The following PDE4D variants were observed in gnomAD, a reference collection of about 807,000 sequenced individuals.
PDE4D encodes 3',5'-cyclic-AMP phosphodiesterase 4D.
In PDE4D, 24 loss-of-function variants were observed where a neutral mutation model predicts 87.4. That is an observed-to-expected ratio of 0.27 (90% CI 0.20 to 0.39). PDE4D has a LOEUF of 0.39. Among genes scored for constraint, PDE4D ranks in the 10% least tolerant of loss-of-function variants. The pLI, the probability that PDE4D is intolerant of heterozygous loss-of-function variation, is 1.00. For missense variants in PDE4D, 714 were observed against 1,041.0 expected (o/e 0.69, Z 4.32); for synonymous variants, 384 against 383.2 (o/e 1.00, Z -0.02).
At chr5:59,279,679 G>T (rs956075719) in intron 1 of PDE4D, among the ~76,000 whole-genome samples, 3 of 152,018 alleles carry the variant, frequency 2.0e-5, no homozygotes, top group Non-Finnish European at 2.9e-5. Flanking sequence ...CTCCAAAGTA[G>T]ATGTGATAAT....
chr5:59,990,128 A>T (rs1762860415), intron 2 of PDE4D, among the ~76,000 whole-genome samples: 1 of 152,066 alleles, frequency 6.6e-6, no homozygotes, highest in Non-Finnish European at 1.5e-5. Flanking sequence ...GAACATCCAG[A>T]CCTCATTTAT....
At chr5:59,095,659 G>A (rs971323554) in intron 5 of PDE4D, among the ~76,000 whole-genome samples, 2 of 152,084 alleles carry the variant, frequency 1.3e-5, no homozygotes, top group African/African-American at 2.4e-5. Flanking sequence ...AAGTCTACTC[G>A]AGTTCTAGAA....
intron 2 of PDE4D, among the ~76,000 whole-genome samples, chr5:60,157,748 A>G (rs773626775): frequency 6.6e-6 from 1 of 152,304 alleles, no homozygotes; most frequent in Non-Finnish European, 1.5e-5. Context: ...ATTTCAACTA[A>G]TGGTGGTACG....
At chr5:59,125,866 TAAAGTC>T (rs1025295937) in intron 5 of PDE4D, among the ~76,000 whole-genome samples, 1 of 152,044 alleles carries the variant, frequency 6.6e-6, no homozygotes, top group Non-Finnish European at 1.5e-5. Context: ...TTCACAGTGT[TAAAGTC>T]AAAGTCAGTG....
chr5:59,477,373 A>T (rs1644948), intron 1 of PDE4D, among the ~76,000 whole-genome samples: 58,771 of 142,870 alleles, frequency 0.41, 12,636 homozygotes, highest in African/African-American at 0.52. Flanking sequence ...AAAAAAAAAA[A>T]ATTAAAGAAT....
chr5:59,317,097 C>T (rs1350944512), intron 1 of PDE4D, among the ~76,000 whole-genome samples: 1 of 152,148 alleles, frequency 6.6e-6, no homozygotes, highest in African/African-American at 2.4e-5. Context: ...TGATGACATT[C>T]CTTCTCTGCA....
Position 59,415,607 on chromosome 5 carries a change from G to A in PDE4D, c.456-199639C>T, listed in dbSNP as rs142583476. 2.6e-5 allele frequency among the ~76,000 whole-genome samples: 4 copies of A among 151,146 alleles called. No homozygotes were observed. The East Asian group carries it at 5.8e-4, about 22-fold the overall frequency. ...GGGAAGTGAATCTATATTTCTAATTGTAAATCTTATGAGATCTAAATGTCC... is the reference window on the plus strand; with the variant it reads ...GGGAAGTGAATCTATATTTCTAATTATAAATCTTATGAGATCTAAATGTCC... On this transcript the variant is annotated intron_variant, in intron 1 of 14. Coordinates refer to ENST00000340635, the MANE Select transcript of PDE4D (RefSeq NM_001104631.2).
At chr5:60,174,369 G>A (rs1486457445) in intron 2 of PDE4D, among the ~76,000 whole-genome samples, 1 of 152,046 alleles carries the variant, frequency 6.6e-6, no homozygotes, top group Admixed American at 6.6e-5. Flanking sequence ...ATACATGGAC[G>A]GGAGTGACAG....
intron 1 of PDE4D, among the ~76,000 whole-genome samples, chr5:59,544,741 G>A (rs1415664203): frequency 6.6e-6 from 1 of 152,162 alleles, no homozygotes; most frequent in African/African-American, 2.4e-5. Context: ...GAATTAGCAA[G>A]TGTTTTTACA....
intron 3 of PDE4D, among the ~76,000 whole-genome samples, chr5:59,189,624 G>A (rs1248346830): frequency 6.6e-6 from 1 of 152,066 alleles, no homozygotes; most frequent in Non-Finnish European, 1.5e-5. Context: ...TCAGCATTGT[G>A]CCTCCTTAGT....
At position 60,126,887 on chromosome 5, in the gene PDE4D, G is replaced by A. The variant is rs74349107; in HGVS notation, c.42+58670C>T. Among the ~76,000 whole-genome samples, 1,253 of 152,188 alleles carry A rather than the reference G, an allele frequency of 8.2e-3. 25 individuals carry two copies. The highest frequency in any genetic ancestry group is 0.028 in the African/African-American group (1,163 of 41,508). On this transcript the variant is annotated intron_variant, in intron 2 of 16. Coordinates refer to the PDE4D transcript ENST00000502484. ...TAGACATTATTCAGTGAATAAAAGA[G>A]ACTAACAATTTAATCACATTTACAT...
chr5:60,466,678 T>C (rs980820969), intron 1 of PDE4D, among the ~76,000 whole-genome samples: 5 of 152,212 alleles, frequency 3.3e-5, no homozygotes, highest in African/African-American at 9.6e-5. Flanking sequence ...TCTCCATCAC[T>C]TGGAAGATTT....
At chr5:59,518,152 C>T (rs1185496658) in intron 1 of PDE4D, among the ~76,000 whole-genome samples, 3 of 151,438 alleles carry the variant, frequency 2.0e-5, no homozygotes, top group Non-Finnish European at 4.4e-5. Context: ...ATTAATTTAT[C>T]CTACCAGATT....
chr5:60,074,457 T>C (rs1428837724), intron 2 of PDE4D, among the ~76,000 whole-genome samples: 3 of 152,088 alleles, frequency 2.0e-5, no homozygotes, highest in Non-Finnish European at 4.4e-5. Context: ...TGTGTGCCAT[T>C]TGGTGATGAG....
chr5:59,690,410 T>C (rs1750708941), intron 1 of PDE4D, among the ~76,000 whole-genome samples: 1 of 151,958 alleles, frequency 6.6e-6, no homozygotes, highest in Admixed American at 6.6e-5. Flanking sequence ...TCAGAAATAA[T>C]ACTACACATC....
At position 58,988,553 on chromosome 5, in the gene PDE4D, C is replaced by T; in HGVS notation, c.1492G>A (p.Ala498Thr). Reference protein sequence around the residue: ...TDLEILAAIFASAIHDVDHPG... With the variant: ...TDLEILAAIFTSAIHDVDHPG... ...TGATCTACATCATGTATTGCACTGG[C>T]AAAAATTGCTGCAAGAATCTCCAAA... is the stretch of plus-strand genomic sequence containing the variant. The change falls in exon 11 of 15, where the codon GCC becomes ACC. Residue 498 changes from alanine to threonine, a missense_variant. Coordinates refer to ENST00000340635, the MANE Select transcript of PDE4D (RefSeq NM_001104631.2). The T allele has an allele frequency of 6.7e-7, 1 of 1,503,030 alleles. No homozygotes were observed. The highest frequency in any genetic ancestry group is 8.9e-7 in the Non-Finnish European group (1 of 1,118,260). The allele number at this position is 1,503,030 out of a possible 1,614,324, so 93.1% of individuals were successfully genotyped here.
At chr5:59,786,097 C>G (rs923631359) in intron 1 of PDE4D, among the ~76,000 whole-genome samples, 1 of 152,062 alleles carries the variant, frequency 6.6e-6, no homozygotes. Context: ...CTGGCCTCCC[C>G]TCTCCCCATC....
At position 59,390,650 on chromosome 5, in the gene PDE4D, G is replaced by A. The variant is rs1788048649; in HGVS notation, c.456-174682C>T. ...TAGACATGTAAATGTACAGCAAAGAGAAGACATCGGTTCAGTTAGGTAAAA... is the reference window on the plus strand; with the variant it reads ...TAGACATGTAAATGTACAGCAAAGAAAAGACATCGGTTCAGTTAGGTAAAA... On this transcript the variant is annotated intron_variant, in intron 1 of 14. Coordinates refer to ENST00000340635, the MANE Select transcript of PDE4D (RefSeq NM_001104631.2). 2.6e-5 allele frequency among the ~76,000 whole-genome samples: 4 copies of A among 152,212 alleles called. No homozygotes were observed. The South Asian group carries it at 8.3e-4, about 32-fold the overall frequency.
At chr5:60,160,871 T>G (rs1383209524) in intron 2 of PDE4D, 1 of 421,748 alleles carries the variant, frequency 2.4e-6, no homozygotes, top group Non-Finnish European at 4.6e-6. Context: ...TATAAAAGAC[T>G]GATTTGAAGT....
Sources: allele counts gnomAD v4.1 joint callset (sites outside exome capture counted in the v4.1 genomes callset), GRCh38; gene constraint gnomAD v4.1.1; transcripts MANE v1.5; gene names NCBI Gene and HGNC (gene_info 2026-07-23, HGNC 2026-07-21).